TBX18: variants seen among roughly 807,000 people sequenced by gnomAD.
TBX18 encodes the protein T-box transcription factor TBX18.
TBX18 carries 21 observed loss-of-function variants against 55.0 expected under a neutral mutation model. The ratio of observed to expected loss-of-function variants is 0.38; its 90% CI spans 0.27 to 0.55. TBX18 has a LOEUF of 0.55. Among genes scored for constraint, TBX18 ranks in the 20% least tolerant of loss-of-function variants. The pLI is 0.73. For synonymous variants in TBX18, 342 were observed against 326.1 expected, an observed-to-expected ratio of 1.05 and a Z score of -0.53; for missense variants, 840 against 799.6, an observed-to-expected ratio of 1.05 and a Z score of -0.61.
intron 4 of TBX18, among the ~76,000 whole-genome samples, chr6:84,749,996 G>T (rs1562262060): frequency 1.3e-5 from 2 of 151,964 alleles, no homozygotes; most frequent in African/African-American, 4.8e-5. Flanking sequence ...ATTTAAAAAG[G>T]TATAATCAGC....
chr6:84,737,207 C>G lies in TBX18; in HGVS notation c.1302G>C (p.Leu434Phe). ...TGGTGAGCCTGTTGTAGGTCTCTGC[C>G]AAAGATGTGCTGTATCGGTTGAGGG... ...GLTLNRYSTS[L>F]AETYNRLTNQ... Residue 434 changes from leucine (L) to phenylalanine (F), a missense_variant, in exon 8 of 8, where the codon TTG becomes TTC. Physicochemically the swap from Leu to Phe is conservative, Grantham distance 22 (BLOSUM62 0). Coordinates refer to ENST00000369663, the MANE Select transcript of TBX18 (RefSeq NM_001080508.3). 1 of 1,612,108 alleles carries G rather than the reference C, an allele frequency of 6.2e-7. No individual in the cohort carries two copies. Among genetic ancestry groups the G allele is most frequent in the Non-Finnish European group, 8.5e-7 (1 of 1,178,930 alleles).
intron 6 of TBX18, chr6:84,741,319 T>C (rs539982982): frequency 2.6e-5 from 4 of 152,348 alleles, no homozygotes; most frequent in South Asian, 2.1e-4. Flanking sequence ...ATTTATGCTA[T>C]CAAATGGCCA....
rs1405898093 is a variant in TBX18 at position 84,736,109 on chromosome 6, T to C, written c.*576A>G. ...ATTTTTTTATAGACCCAAGGTCATA[T>C]AGTATGTGTGGTAAATAATAAGCAG... On this transcript the variant is annotated 3_prime_UTR_variant, in exon 8 of 8. Coordinates refer to ENST00000369663, the MANE Select transcript of TBX18 (RefSeq NM_001080508.3). 2 of 152,564 alleles carry C rather than the reference T, an allele frequency of 1.3e-5. No homozygotes were observed. Among genetic ancestry groups the C allele is most frequent in the East Asian group, 1.9e-4 (1 of 5,202 alleles). The allele number at this position is 152,564 out of a possible 1,614,324, so 9.5% of individuals were successfully genotyped here.
At position 84,736,536 on chromosome 6, in the gene TBX18, C is replaced by T. The variant is rs1773948152; in HGVS notation, c.*149G>A. The T allele has an allele frequency of 3.6e-6, 3 of 844,426 alleles. No individual in the cohort carries two copies. The highest frequency in any genetic ancestry group is 5.2e-6 in the Non-Finnish European group (3 of 580,878). The allele number at this position is 844,426 out of a possible 1,614,324, so 52.3% of individuals were successfully genotyped here. ...ATACCATAGATAATTACAATCTCAC[C>T]ATGATAAAGTCAAAAAACCCAGTGA... On this transcript the variant is annotated 3_prime_UTR_variant, in exon 8 of 8. Coordinates refer to ENST00000369663, the MANE Select transcript of TBX18 (RefSeq NM_001080508.3).
chr6:84,746,455 T>C (rs1243675391), intron 5 of TBX18, among the ~76,000 whole-genome samples: 1 of 147,066 alleles, frequency 6.8e-6, no homozygotes, highest in Non-Finnish European at 1.5e-5. Flanking sequence ...ATATTTCGTA[T>C]ATTATATATT....
chr6:84,739,021 T>C lies in TBX18; in HGVS notation c.1005-430A>G, dbSNP rs371141590. On this transcript the variant is annotated intron_variant, in intron 6 of 7. Coordinates refer to ENST00000369663, the MANE Select transcript of TBX18 (RefSeq NM_001080508.3). Reference sequence around the variant, plus strand: ...AAAAGCACATTCCTAGAAAACCAGCTCTTTTCTAAGGGTCATTACTGCCCA... The same window carrying C: ...AAAAGCACATTCCTAGAAAACCAGCCCTTTTCTAAGGGTCATTACTGCCCA... Among the ~76,000 whole-genome samples, 4 of 152,136 alleles carry C rather than the reference T, an allele frequency of 2.6e-5. No individual in the cohort carries two copies. The East Asian group carries it at 5.8e-4, about 22-fold the overall frequency.
In TBX18 at chr6:84,737,353, G is replaced by A; in HGVS notation, c.1156C>T (p.His386Tyr). The change falls in exon 8 of 8, where the codon CAC becomes TAC. Residue 386 changes from histidine (H) to tyrosine (Y), a missense_variant. By Grantham distance (83) the His-to-Tyr change is moderately conservative. Coordinates refer to ENST00000369663, the MANE Select transcript of TBX18 (RefSeq NM_001080508.3). The part of the protein sequence containing the change: ...QGTGNGVPAT[H>Y]PHLLSGSSCS... Reference sequence around the variant, plus strand: ...GAGGAGCCAGACAAAAGGTGAGGGTGAGTGGCAGGAACGCCATTCCCAGTA... The same window carrying A: ...GAGGAGCCAGACAAAAGGTGAGGGTAAGTGGCAGGAACGCCATTCCCAGTA... 6.4e-7 allele frequency: 1 copy of A among 1,560,696 alleles called. No homozygotes were observed.
At chr6:84,762,289 T>C (rs537331684) in intron 2 of TBX18, among the ~76,000 whole-genome samples, 1 of 152,330 alleles carries the variant, frequency 6.6e-6, no homozygotes, top group African/African-American at 2.4e-5. Flanking sequence ...GCGACAGCTG[T>C]GGCATCAGCG....
chr6:84,750,554 A>T (rs1767320394), intron 4 of TBX18, among the ~76,000 whole-genome samples: 1 of 151,910 alleles, frequency 6.6e-6, no homozygotes, highest in Non-Finnish European at 1.5e-5. Context: ...TGACATTAAT[A>T]CTCCAATTTA....
chr6:84,748,453 A>G (rs147158385), intron 4 of TBX18, among the ~76,000 whole-genome samples: 111 of 152,360 alleles, frequency 7.3e-4, no homozygotes, highest in African/African-American at 2.6e-3. Flanking sequence ...TGAAATCATC[A>G]TTTAAATTGC....
chr6:84,738,418 A>G (rs1036893103), intron 7 of TBX18, 79 bp downstream of exon 7: 4 of 1,062,374 alleles, frequency 3.8e-6, no homozygotes, highest in African/African-American at 3.1e-5. Flanking sequence ...AGTATAAATA[A>G]TGACTTGTAC....
intron 4 of TBX18, among the ~76,000 whole-genome samples, chr6:84,750,875 T>G (rs574084836): frequency 8.5e-5 from 13 of 152,316 alleles, no homozygotes; most frequent in African/African-American, 3.1e-4. Flanking sequence ...TAGCAACCAT[T>G]AATGTTAACT....
chr6:84,762,495 A>C, intron 2 of TBX18, 49 bp downstream of exon 2: 5 of 1,604,702 alleles, frequency 3.1e-6, no homozygotes, highest in Non-Finnish European at 4.3e-6. Context: ...AGGTGAGTGA[A>C]GACAGGGTCT....
intron 6 of TBX18, among the ~76,000 whole-genome samples, chr6:84,742,716 C>G (rs2127873267): frequency 6.6e-6 from 1 of 152,118 alleles, no homozygotes; most frequent in Non-Finnish European, 1.5e-5. Context: ...GAGTATTTCT[C>G]TCCCGGAATT....
At position 84,753,481 on chromosome 6, in the gene TBX18, T is replaced by A. The variant is rs1767405932; in HGVS notation, c.771+3217A>T. On this transcript the variant is annotated intron_variant, in intron 4 of 7. Coordinates refer to ENST00000369663, the MANE Select transcript of TBX18 (RefSeq NM_001080508.3). ...TTAGAAAGCAAGCTAGAAAATCACC[T>A]CTCATTTGAGTCAATAGCTTTACTA... Among the ~76,000 whole-genome samples the A allele has an allele frequency of 1.3e-5, 2 of 151,372 alleles. 1 individual carries two copies. The highest frequency in any genetic ancestry group is 4.2e-4 in the South Asian group (2 of 4,800).
intron 3 of TBX18, among the ~76,000 whole-genome samples, chr6:84,759,000 G>A (rs1767572563): frequency 6.6e-6 from 1 of 151,888 alleles, no homozygotes; most frequent in Admixed American, 6.6e-5. Flanking sequence ...ATAAATAGGA[G>A]ACAAACTTAG....
chr6:84,756,999 A>C (rs1020565636), intron 3 of TBX18, 130 bp from the exon 4 acceptor site: 4 of 957,466 alleles, frequency 4.2e-6, no homozygotes, highest in South Asian at 3.9e-5. Context: ...TTACACTAAA[A>C]ATAAAATTTC....
rs1773945953 is a variant in TBX18, at chr6:84,736,470, G to GC, written c.*214dup. On this transcript the variant is annotated 3_prime_UTR_variant, in exon 8 of 8. Coordinates refer to ENST00000369663, the MANE Select transcript of TBX18 (RefSeq NM_001080508.3). Reference sequence around the variant, plus strand: ...TGGATGAAACAGGGGAACAATAGGGGCCGTGATACTCCATGTGCTATGTAT... The same window carrying GC: ...TGGATGAAACAGGGGAACAATAGGGGCCCGTGATACTCCATGTGCTATGTAT... 2.5e-6 allele frequency: 1 copy of GC among 397,908 alleles called. No homozygotes were observed. The highest frequency in any genetic ancestry group is 1.1e-4 in the South Asian group (1 of 9,154). 24.6% of individuals were successfully genotyped at this position (397,908 alleles called of 1,614,324 possible).
rs1462479802 is a variant in TBX18 at position 84,735,166 on chromosome 6, G to T, written c.*1519C>A. 1 of 152,160 alleles carries T rather than the reference G, an allele frequency of 6.6e-6. No individual in the cohort carries two copies. The highest frequency in any genetic ancestry group is 2.4e-5 in the African/African-American group (1 of 41,430). The allele number at this position is 152,160 out of a possible 1,614,324, so 9.4% of individuals were successfully genotyped here. A position where few individuals can be genotyped will look rare whatever the true frequency, so the allele number is the denominator to read the frequency against. On this transcript the variant is annotated 3_prime_UTR_variant, in exon 8 of 8. Transcript: ENST00000369663. Reference sequence around the variant, plus strand: ...TCATGCTCTTTTGCTTAAGATACATGAAATGTAATGAATGGGTCAATGCAC... The same window carrying T: ...TCATGCTCTTTTGCTTAAGATACATTAAATGTAATGAATGGGTCAATGCAC...
Sources: gnomAD v4.1 joint callset for allele counts (sites outside exome capture counted in the v4.1 genomes callset) on GRCh38, gnomAD v4.1.1 for gene constraint, MANE v1.5 for transcripts, NCBI Gene and HGNC (gene_info 2026-07-23, HGNC 2026-07-21) for gene names.